The following CLNK variants were observed in gnomAD, a reference collection of about 807,000 sequenced individuals.
CLNK encodes cytokine dependent hematopoietic cell linker.
In CLNK, 74 loss-of-function variants were observed where a neutral mutation model predicts 68.6. The ratio of observed to expected loss-of-function variants is 1.08; its 90% CI spans 0.89 to 1.31. The LOEUF (loss-of-function observed/expected upper bound fraction) is 1.31. CLNK is among the 50% of genes most tolerant of loss of function. CLNK has a pLI of 0.00. For missense variants in CLNK, 553 were observed against 515.3 expected, an observed-to-expected ratio of 1.07 and a Z score of -0.71; for synonymous variants, 198 against 172.2, an observed-to-expected ratio of 1.15 and a Z score of -1.17.
At chr4:10,497,553 C>T (rs1323551041) in intron 18 of CLNK, among the ~76,000 whole-genome samples, 2 of 152,166 alleles carry the variant, frequency 1.3e-5, no homozygotes, top group African/African-American at 4.8e-5. Context: ...TAATCTATGG[C>T]CTGCCATAGG....
At chr4:10,510,246 C>A (rs1416355335) in intron 16 of CLNK, among the ~76,000 whole-genome samples, 3 of 152,040 alleles carry the variant, frequency 2.0e-5, no homozygotes, top group African/African-American at 4.8e-5. Context: ...GGGGGAAGTC[C>A]CCTTCTAATT....
chr4:10,673,337 A>G (rs61796847), intron 1 of CLNK, among the ~76,000 whole-genome samples: 6,191 of 152,048 alleles, frequency 0.041, 187 homozygotes, highest in Middle Eastern at 0.1. Flanking sequence ...CTTCACCACA[A>G]CTCCCCTCAG....
chr4:10,544,960 A>T (rs756511545), intron 8 of CLNK, among the ~76,000 whole-genome samples: 6 of 152,124 alleles, frequency 3.9e-5, no homozygotes, highest in African/African-American at 9.7e-5. Context: ...CCATTAATTC[A>T]TTAATCTGTG....
chr4:10,719,739 A>AC, the CLNK span, among the ~76,000 whole-genome samples: 2 of 152,200 alleles, frequency 1.3e-5, no homozygotes, highest in Non-Finnish European at 2.9e-5. Context: ...CCTTTGTAGA[A>AC]TACTCCATCC....
chr4:10,526,113 TC>T (rs1718308617), intron 13 of CLNK, among the ~76,000 whole-genome samples, 191 bp from the exon 14 acceptor site: 1 of 152,204 alleles, frequency 6.6e-6, no homozygotes, highest in Admixed American at 6.5e-5. Flanking sequence ...TGACTTTTGC[TC>T]TGAGGTTATA....
intron 1 of CLNK, among the ~76,000 whole-genome samples, chr4:10,683,213 C>T (rs948001245): frequency 2.6e-5 from 4 of 152,126 alleles, no homozygotes; most frequent in Non-Finnish European, 4.4e-5. Context: ...TTTGATCAGG[C>T]GTCAAATCCT....
At chr4:10,692,598 G>A in the CLNK span, among the ~76,000 whole-genome samples, 1 of 152,198 alleles carries the variant, frequency 6.6e-6, no homozygotes, top group Non-Finnish European at 1.5e-5. Context: ...GCAAAATGTG[G>A]AGGAAAGAAT....
chr4:10,676,648 C>G (rs1485870603), intron 1 of CLNK, among the ~76,000 whole-genome samples: 2 of 151,708 alleles, frequency 1.3e-5, no homozygotes. Flanking sequence ...TTCCTTTTTT[C>G]TCTTCAGCTG....
At chr4:10,619,149 A>C (rs1158435832) in intron 2 of CLNK, among the ~76,000 whole-genome samples, 1 of 152,326 alleles carries the variant, frequency 6.6e-6, no homozygotes, top group East Asian at 1.9e-4. Context: ...GTAACACATT[A>C]GTCCTTCTGG....
At chr4:10,665,271 A>G (rs1042433208) in intron 2 of CLNK, among the ~76,000 whole-genome samples, 1 of 152,256 alleles carries the variant, frequency 6.6e-6, no homozygotes, top group Non-Finnish European at 1.5e-5. Flanking sequence ...TGTTCAACAG[A>G]GACCAACTCC....
At chr4:10,507,745 G>A (rs183911631) in intron 17 of CLNK, among the ~76,000 whole-genome samples, 2 of 152,118 alleles carry the variant, frequency 1.3e-5, no homozygotes, top group African/African-American at 4.8e-5. Flanking sequence ...GCCTCCCAAG[G>A]TGCTAGGATT....
chr4:10,666,288 A>G (rs1232424834), intron 2 of CLNK, among the ~76,000 whole-genome samples: 1 of 152,226 alleles, frequency 6.6e-6, no homozygotes, highest in African/African-American at 2.4e-5. Flanking sequence ...AGCCCAGGAC[A>G]CTAATACACC....
At chr4:10,731,275 A>G in the CLNK span, among the ~76,000 whole-genome samples, 5 of 152,228 alleles carry the variant, frequency 3.3e-5, 1 homozygote, top group African/African-American at 7.2e-5. Flanking sequence ...CTTCTCATCA[A>G]CAAAAACTTC....
At chr4:10,605,962 GTGAAGGCCTAGGACA>G (rs1172736038) in intron 2 of CLNK, among the ~76,000 whole-genome samples, 1 of 152,118 alleles carries the variant, frequency 6.6e-6, no homozygotes, top group Non-Finnish European at 1.5e-5. Context: ...GTGGGTGAAT[GTGAAGGCCTAGGACA>G]TGACTGTACA....
At chr4:10,734,631 A>G in the CLNK span, among the ~76,000 whole-genome samples, 2 of 152,190 alleles carry the variant, frequency 1.3e-5, no homozygotes, top group African/African-American at 4.8e-5. Context: ...GCCATCACAA[A>G]AATCTTCTTC....
intron 2 of CLNK, among the ~76,000 whole-genome samples, chr4:10,615,974 T>C (rs572015494): frequency 1.3e-5 from 2 of 152,354 alleles, no homozygotes; most frequent in South Asian, 4.1e-4. Context: ...AGCTGCTTTC[T>C]GTATTAAAGT....
intron 2 of CLNK, among the ~76,000 whole-genome samples, chr4:10,620,946 C>CA (rs3030347): frequency 0.033 from 4,788 of 143,654 alleles, 87 homozygotes; most frequent in African/African-American, 0.035. Flanking sequence ...ACTAAAAATA[C>CA]AAAAAAAAAA....
chr4:10,600,522 A>G (rs1391338020), intron 2 of CLNK, among the ~76,000 whole-genome samples: 5 of 152,188 alleles, frequency 3.3e-5, no homozygotes, highest in Non-Finnish European at 7.3e-5. Flanking sequence ...AATGCCCTGT[A>G]CATGCATTCA....
At chr4:10,499,733 A>T (rs1446725375) in intron 18 of CLNK, among the ~76,000 whole-genome samples, 1 of 152,168 alleles carries the variant, frequency 6.6e-6, no homozygotes, top group East Asian at 1.9e-4. Flanking sequence ...CTCGAGGCTG[A>T]AGTCCCAAGG....
Sources: allele counts gnomAD v4.1 joint callset (sites outside exome capture counted in the v4.1 genomes callset), GRCh38; gene constraint gnomAD v4.1.1; transcripts MANE v1.5; gene names NCBI Gene and HGNC (gene_info 2026-07-23, HGNC 2026-07-21).